The following TIAM2 variants were observed in gnomAD, a reference collection of about 807,000 sequenced individuals.
The protein encoded by TIAM2 is TIAM Rac1 associated GEF 2.
TIAM2 carries 80 observed loss-of-function variants against 152.9 expected under a neutral mutation model. That is an observed-to-expected ratio of 0.52 (90% CI 0.44 to 0.63). TIAM2 has a LOEUF of 0.63. Ranked by LOEUF, TIAM2 falls within the 30% of genes least tolerant of loss-of-function variation. TIAM2 has a pLI of 0.00. For missense variants in TIAM2, 1,965 were observed against 2,120.1 expected (o/e 0.93, Z 1.44); for synonymous variants, 804 against 838.0 (o/e 0.96, Z 0.70).
chr6:155,027,194 T>C (rs753127558), intron 1 of TIAM2, among the ~76,000 whole-genome samples: 1 of 151,556 alleles, frequency 6.6e-6, no homozygotes, highest in African/African-American at 2.4e-5. Flanking sequence ...GCCCAGCTAA[T>C]TTTTCTGTTT....
At chr6:155,179,262 C>A in intron 11 of TIAM2, 116 bp from the exon 12 acceptor site, 2 of 1,415,104 alleles carry the variant, frequency 1.4e-6, no homozygotes, top group Non-Finnish European at 2.0e-6. Context: ...TGGAAACAGT[C>A]TCTATATAAA....
chr6:155,126,042 T>C (rs188707607), intron 2 of TIAM2, among the ~76,000 whole-genome samples: 92 of 152,286 alleles, frequency 6.0e-4, no homozygotes, highest in Non-Finnish European at 1.2e-3. Context: ...AGCAGCATTA[T>C]TCATAATAGC....
intron 2 of TIAM2, among the ~76,000 whole-genome samples, chr6:155,092,556 A>G (rs887803180): frequency 3.3e-5 from 5 of 152,094 alleles, no homozygotes; most frequent in African/African-American, 4.8e-5. Context: ...TATATATTCA[A>G]TATACAAATT....
At chr6:155,227,699 C>T (rs1034539912) in intron 15 of TIAM2, among the ~76,000 whole-genome samples, 1 of 152,190 alleles carries the variant, frequency 6.6e-6, no homozygotes, top group Non-Finnish European at 1.5e-5. Context: ...AATCTGGACA[C>T]GACTTTTTGG....
In TIAM2 at chr6:155,130,114, C is replaced by T. The variant is rs760659450; in HGVS notation, c.891C>T (p.Ser297=). ...KKPFNQSSSL[S]SLRELYKDAN... is the part of the protein sequence containing the mutation. The stretch of plus-strand genomic sequence containing the variant: ...CTTTCAACCAAAGCTCTTCCCTCTC[C>T]TCCCTCCGGGAACTGTACAAAGATG... The change falls in exon 4 of 27, where the codon TCC becomes TCT. Residue 297 remains serine, a synonymous_variant. Transcript: ENST00000682666. 2.5e-6 allele frequency: 4 copies of T among 1,614,086 alleles called. No homozygotes were observed. The highest frequency in any genetic ancestry group is 3.3e-5 in the Admixed American group (2 of 60,006).
chr6:155,243,846 C>CAAAAAAAAAAAA (rs59365890), intron 16 of TIAM2, among the ~76,000 whole-genome samples, 165 bp from the exon 17 acceptor site: 42 of 55,054 alleles, frequency 7.6e-4, no homozygotes, highest in African/African-American at 3.1e-3. Flanking sequence ...GACTCCGTCT[C>CAAAAAAAAAAAA]AAAAAAAAAA....
At chr6:155,177,691 T>G (rs1780789029) in intron 10 of TIAM2, among the ~76,000 whole-genome samples, 2 of 152,224 alleles carry the variant, frequency 1.3e-5, no homozygotes, top group South Asian at 4.1e-4. Flanking sequence ...AAATGTTTAA[T>G]TTTAGTCCCC....
chr6:155,123,603 G>A (rs957567464), intron 2 of TIAM2, among the ~76,000 whole-genome samples: 2 of 152,156 alleles, frequency 1.3e-5, no homozygotes, highest in Admixed American at 6.5e-5. Context: ...CTAACCTGCC[G>A]CTGGGGCAGA....
At chr6:155,064,349 A>G (rs1344365450) in intron 1 of TIAM2, among the ~76,000 whole-genome samples, 1 of 152,248 alleles carries the variant, frequency 6.6e-6, no homozygotes, top group African/African-American at 2.4e-5. Flanking sequence ...GAACATGAAA[A>G]ATGACATCAC....
chr6:155,114,475 C>G (rs758992944), intron 2 of TIAM2, among the ~76,000 whole-genome samples: 4 of 152,092 alleles, frequency 2.6e-5, no homozygotes, highest in Non-Finnish European at 5.9e-5. Flanking sequence ...TCTGCTCTCC[C>G]TTTGTCTTGG....
rs138854977 is a variant in TIAM2 at position 155,041,769 on chromosome 6, C to T, written c.-209+46277C>T. Among the ~76,000 whole-genome samples, 802 of 152,272 alleles carry T rather than the reference C, an allele frequency of 5.3e-3. 5 individuals are homozygous for T. Among genetic ancestry groups the T allele is most frequent in the African/African-American group, 0.017 (696 of 41,560 alleles). On this transcript the variant is annotated intron_variant, in intron 1 of 26. Coordinates refer to ENST00000682666, the MANE Select transcript of TIAM2 (RefSeq NM_012454.4). Reference sequence around the variant, plus strand: ...ATAAGATTTGTTTTACAGTGAGCTCCGTAGGTTTTCTCTCTTCATCTGAGG... The same window carrying T: ...ATAAGATTTGTTTTACAGTGAGCTCTGTAGGTTTTCTCTCTTCATCTGAGG...
chr6:155,241,073 G>T (rs145594290), intron 16 of TIAM2, among the ~76,000 whole-genome samples: 4 of 152,210 alleles, frequency 2.6e-5, no homozygotes, highest in Non-Finnish European at 5.9e-5. Flanking sequence ...CTGTACATAC[G>T]TGACGGCTGA....
chr6:155,042,700 A>G (rs957381721), intron 1 of TIAM2, among the ~76,000 whole-genome samples: 5 of 152,246 alleles, frequency 3.3e-5, no homozygotes, highest in African/African-American at 1.2e-4. Context: ...TACTGTTTAT[A>G]CATATATATA....
At chr6:155,123,627 G>T (rs1295516251) in intron 2 of TIAM2, among the ~76,000 whole-genome samples, 2 of 152,200 alleles carry the variant, frequency 1.3e-5, no homozygotes, top group African/African-American at 4.8e-5. Flanking sequence ...TTCCACCTGG[G>T]AGTGATTCTG....
In TIAM2 at chr6:155,104,553, C is replaced by G. The variant is rs143117724; in HGVS notation, c.-118+14174C>G. On this transcript the variant is annotated intron_variant, in intron 2 of 26. Coordinates refer to ENST00000682666, the MANE Select transcript of TIAM2 (RefSeq NM_012454.4). ...TGGGCAGATCATGAGGTCAGGAGATCGAGACCATCCTGGCTAACACAGTGA... is the reference window on the plus strand; with the variant it reads ...TGGGCAGATCATGAGGTCAGGAGATGGAGACCATCCTGGCTAACACAGTGA... Among the ~76,000 whole-genome samples the G allele has an allele frequency of 2.2e-4, 33 of 152,090 alleles. No homozygotes were observed. The East Asian group carries it at 3.5e-3, about 16-fold the overall frequency.
rs143732997 is a variant in TIAM2, at chr6:155,238,466, CAAAAG to C, written c.3169-2062_3169-2058del. 7.0e-3 allele frequency among the ~76,000 whole-genome samples: 1,067 copies of C among 152,338 alleles called. 11 individuals carry two copies. Among genetic ancestry groups the C allele is most frequent in the African/African-American group, 0.023 (975 of 41,580 alleles). ...TATGTTTTCAGCAGTGCCCCCGACT[CAAAAG>C]AGAAGCGATTCTACTGAAGGAGCTC... On this transcript the variant is annotated intron_variant, in intron 15 of 26. Coordinates refer to ENST00000682666, the MANE Select transcript of TIAM2 (RefSeq NM_012454.4).
At chr6:155,172,664 ATATATATATATATATATATATATTTTTT>A (rs1178235165) in intron 9 of TIAM2, among the ~76,000 whole-genome samples, 11 of 7,548 alleles carry the variant, frequency 1.5e-3, no homozygotes, top group South Asian at 3.1e-3. Context: ...ATATATATAT[ATATATATATATATATATATATATTTTTT>A]TTTTTTTTTT....
rs138722560 is a variant in TIAM2 at position 155,217,762 on chromosome 6, T to C, written c.3168+6455T>C. Among the ~76,000 whole-genome samples the C allele has an allele frequency of 3.8e-3, 585 of 152,342 alleles. 4 individuals carry two copies. Among genetic ancestry groups the C allele is most frequent in the African/African-American group, 0.014 (563 of 41,568 alleles). On this transcript the variant is annotated intron_variant, in intron 15 of 26. Coordinates refer to ENST00000682666, the MANE Select transcript of TIAM2 (RefSeq NM_012454.4). ...CTGGAGATACACAGCGTGACAACTG[T>C]GTGTTGTGCTCTTTGCAATTTAATC...
At chr6:155,029,505 A>AG (rs1303279516) in intron 1 of TIAM2, among the ~76,000 whole-genome samples, 48 of 28,344 alleles carry the variant, frequency 1.7e-3, no homozygotes, top group Middle Eastern at 0.038. Context: ...TATTATATAT[A>AG]ATATATACTA....
Sources: allele counts gnomAD v4.1 joint callset (sites outside exome capture counted in the v4.1 genomes callset), GRCh38; gene constraint gnomAD v4.1.1; transcripts MANE v1.5; gene names NCBI Gene and HGNC (gene_info 2026-07-23, HGNC 2026-07-21).